The following PIAS1 variants were observed in gnomAD, a reference collection of about 807,000 sequenced individuals.
PIAS1 encodes E3 SUMO-protein ligase PIAS1.
A neutral mutation model predicts 71.3 loss-of-function variants in PIAS1; 6 were observed. That is an observed-to-expected ratio of 0.08 (90% CI 0.05 to 0.17). PIAS1 has a LOEUF of 0.17. Ranked by LOEUF, PIAS1 falls within the 10% of genes least tolerant of loss-of-function variation. The pLI is 1.00. For synonymous variants in PIAS1, 303 were observed against 292.9 expected (o/e 1.03, Z -0.35); for missense variants, 555 against 793.6 (o/e 0.70, Z 3.61).
In PIAS1 at chr15:68,188,339, CATATTTT is replaced by C. The variant is rs2093101417; in HGVS notation, c.*507_*513del. 6.4e-6 allele frequency: 1 copy of C among 156,852 alleles called. No individual in the cohort carries two copies. Among genetic ancestry groups the C allele is most frequent in the Non-Finnish European group, 1.4e-5 (1 of 70,804 alleles). The allele number at this position is 156,852 out of a possible 1,614,324, so 9.7% of individuals were successfully genotyped here. A position where few individuals can be genotyped will look rare whatever the true frequency, so the allele number is the denominator to read the frequency against. On this transcript the variant is annotated 3_prime_UTR_variant, in exon 14 of 14. Coordinates refer to ENST00000249636, the MANE Select transcript of PIAS1 (RefSeq NM_016166.3). ...CAGACTTGGATTCTGTTTGTGTGTG[CATATTTT>C]ATCCAGCCTTAAGTTATAAAGCTCA... is the stretch of plus-strand genomic sequence containing the variant.
chr15:68,182,936 A>G (rs2093064644), intron 12 of PIAS1, among the ~76,000 whole-genome samples: 1 of 152,168 alleles, frequency 6.6e-6, no homozygotes, highest in Non-Finnish European at 1.5e-5. Context: ...CCAAGTTTAG[A>G]TATCATAATG....
chr15:68,140,213 T>C (rs147663430), intron 2 of PIAS1, among the ~76,000 whole-genome samples: 1,538 of 152,300 alleles, frequency 0.01, 15 homozygotes, highest in Middle Eastern at 0.02. Flanking sequence ...AACCTATATA[T>C]ATCCAAAACT....
rs1402018712 is a variant in PIAS1, at chr15:68,179,645, G to C, written c.1482-1567G>C. Among the ~76,000 whole-genome samples, 4 of 128,464 alleles carry C rather than the reference G, an allele frequency of 3.1e-5. No homozygotes were observed. In the Admixed American group the frequency reaches 3.8e-4, roughly 12 times the overall value. The allele number at this position is 128,464 out of a possible 152,430, so 84.3% of individuals were successfully genotyped here. On this transcript the variant is annotated intron_variant, in intron 11 of 13. Coordinates refer to ENST00000249636, the MANE Select transcript of PIAS1 (RefSeq NM_016166.3). ...GGCTGGAGTGCAGTGGCACCATCTT[G>C]GCTCACCACACCCTCCGCCTCCTGG...
chr15:68,142,057 A>C, intron 3 of PIAS1, 27 bp downstream of exon 3: 2 of 1,458,194 alleles, frequency 1.4e-6, no homozygotes, highest in Non-Finnish European at 1.9e-6. Context: ...TGTAACTTGA[A>C]GTTTGACCTT....
chr15:68,139,892 C>G (rs1402532464), intron 2 of PIAS1, among the ~76,000 whole-genome samples: 1 of 152,096 alleles, frequency 6.6e-6, no homozygotes, highest in Non-Finnish European at 1.5e-5. Context: ...TATGAAGATT[C>G]TGTAATTCTT....
At chr15:68,091,215 C>T (rs113945012) in intron 2 of PIAS1, among the ~76,000 whole-genome samples, 206 of 152,080 alleles carry the variant, frequency 1.4e-3, no homozygotes, top group African/African-American at 4.8e-3. Flanking sequence ...AATATCTTGT[C>T]CATTCAGGGA....
chr15:68,073,758 G>A (rs1198908642), intron 1 of PIAS1, among the ~76,000 whole-genome samples: 1 of 152,182 alleles, frequency 6.6e-6, no homozygotes, highest in East Asian at 1.9e-4. Context: ...GCCTCTGAGT[G>A]CAGTAGGTGA....
In PIAS1 at chr15:68,134,517, C is replaced by T. The variant is rs1354672570; in HGVS notation, c.470-7429C>T. ...TGACCCCCCCCACTGCCCTCCCGGACGGGGCGGCTGGCCGGGCAGAGGGGA... is the reference window on the plus strand; with the variant it reads ...TGACCCCCCCCACTGCCCTCCCGGATGGGGCGGCTGGCCGGGCAGAGGGGA... On this transcript the variant is annotated intron_variant, in intron 2 of 13. Coordinates refer to ENST00000249636, the MANE Select transcript of PIAS1 (RefSeq NM_016166.3). Among the ~76,000 whole-genome samples the T allele has an allele frequency of 1.3e-4, 6 of 45,712 alleles. 2 individuals carry two copies. The highest frequency in any genetic ancestry group is 2.7e-4 in the African/African-American group (6 of 22,084). The allele number at this position is 45,712 out of a possible 152,430, so 30.0% of individuals were successfully genotyped here.
rs1423589492 is a variant in PIAS1, at chr15:68,135,745, G to A, written c.470-6201G>A. ...TCACTTCCCAGACAGGGTGGCTGCC[G>A]GGCGTAGGGGCTCCTCACTTCTCAG... On this transcript the variant is annotated intron_variant, in intron 2 of 13. Transcript: ENST00000249636. Among the ~76,000 whole-genome samples the A allele has an allele frequency of 1.1e-4, 5 of 44,974 alleles. 1 individual carries two copies. The highest frequency in any genetic ancestry group is 1.8e-4 in the Admixed American group (1 of 5,692). 29.5% of individuals were successfully genotyped at this position (44,974 alleles called of 152,430 possible).
intron 11 of PIAS1, among the ~76,000 whole-genome samples, chr15:68,180,837 T>G (rs1282000642): frequency 1.3e-5 from 2 of 152,212 alleles, no homozygotes; most frequent in African/African-American, 2.4e-5. Context: ...TACTCTGGTG[T>G]TGTTTTAAAA....
chr15:68,080,649 G>A (rs1305020191), intron 1 of PIAS1, among the ~76,000 whole-genome samples: 1 of 152,218 alleles, frequency 6.6e-6, no homozygotes, highest in African/African-American at 2.4e-5. Context: ...ATTGAATGAA[G>A]AATCTGACTT....
chr15:68,163,952 C>A (rs1412412368), intron 7 of PIAS1, among the ~76,000 whole-genome samples: 1 of 152,148 alleles, frequency 6.6e-6, no homozygotes, highest in Non-Finnish European at 1.5e-5. Context: ...GAGGTAACAG[C>A]TAAGGTTTCC....
chr15:68,169,344 C>A (rs558841807), intron 8 of PIAS1, among the ~76,000 whole-genome samples: 2 of 152,238 alleles, frequency 1.3e-5, no homozygotes, highest in African/African-American at 4.8e-5. Context: ...CTACTTTGTT[C>A]TTTTGGCCTT....
chr15:68,120,644 T>G (rs1255089335), intron 2 of PIAS1, among the ~76,000 whole-genome samples: 2 of 152,140 alleles, frequency 1.3e-5, no homozygotes, highest in Non-Finnish European at 2.9e-5. Context: ...ACATTTTACG[T>G]CCATGTAAGT....
chr15:68,190,113 G>A lies in PIAS1; in HGVS notation c.*2278G>A, dbSNP rs1006175386. 7.9e-5 allele frequency: 12 copies of A among 152,154 alleles called. No individual in the cohort carries two copies. The highest frequency in any genetic ancestry group is 2.4e-4 in the African/African-American group (10 of 41,426). The allele number at this position is 152,154 out of a possible 1,614,324, so 9.4% of individuals were successfully genotyped here. ...CCGTTTGAATGATCCAGTTGAAAACGTATCCCTCTACTTTCTTCAGTTGTA... is the reference window on the plus strand; with the variant it reads ...CCGTTTGAATGATCCAGTTGAAAACATATCCCTCTACTTTCTTCAGTTGTA... On this transcript the variant is annotated 3_prime_UTR_variant, in exon 14 of 14. Coordinates refer to ENST00000249636, the MANE Select transcript of PIAS1 (RefSeq NM_016166.3). The surrounding 1 kb of genome is among the most constrained non-coding windows in gnomAD (Gnocchi z 4.7).
chr15:68,187,838 C>A lies in PIAS1; in HGVS notation c.*3C>A, dbSNP rs1478239888. 3 of 1,609,876 alleles carry A rather than the reference C, an allele frequency of 1.9e-6. No homozygotes were observed. Among genetic ancestry groups the A allele is most frequent in the Non-Finnish European group, 2.5e-6 (3 of 1,177,792 alleles). On this transcript the variant is annotated 3_prime_UTR_variant, in exon 14 of 14. Transcript: ENST00000249636. The surrounding 1 kb of genome is among the most constrained non-coding windows in gnomAD (Gnocchi z 5.3). ...CAGACATTATTTCATTGGACTGATT[C>A]CCAGGCCCTGCTGCTCCCATCCCCA...
chr15:68,058,518 T>C (rs576923825), intron 1 of PIAS1, among the ~76,000 whole-genome samples: 9 of 152,222 alleles, frequency 5.9e-5, no homozygotes, highest in Middle Eastern at 3.4e-3. Context: ...TCCTTAAAGG[T>C]CCTACAGCAG....
intron 2 of PIAS1, among the ~76,000 whole-genome samples, chr15:68,113,124 T>G (rs1261793482): frequency 6.6e-6 from 1 of 152,174 alleles, no homozygotes; most frequent in Admixed American, 6.5e-5. Flanking sequence ...ATGGAAAGAC[T>G]TTAATATGTT....
intron 2 of PIAS1, among the ~76,000 whole-genome samples, chr15:68,101,568 G>C (rs140978694): frequency 6.6e-6 from 1 of 151,962 alleles, no homozygotes; most frequent in Non-Finnish European, 1.5e-5. Context: ...TCCTGGGCTC[G>C]AGCAGCCCTC....
Sources: allele counts gnomAD v4.1 joint callset (sites outside exome capture counted in the v4.1 genomes callset), GRCh38; gene constraint gnomAD v4.1.1; non-coding constraint Gnocchi (gnomAD v3.1); transcripts MANE v1.5; gene names NCBI Gene and HGNC (gene_info 2026-07-23, HGNC 2026-07-21).